ATP8B1: variants seen among roughly 807,000 people sequenced by gnomAD.
The protein encoded by ATP8B1 is phospholipid-transporting ATPase IC.
ATP8B1 carries 80 observed loss-of-function variants against 149.9 expected under a neutral mutation model. That is an observed-to-expected ratio of 0.53 (90% CI 0.45 to 0.64). The LOEUF is 0.64. Ranked by LOEUF, ATP8B1 falls within the 30% of genes least tolerant of loss-of-function variation. The probability of loss-of-function intolerance (pLI) is 0.00; values close to 1 mark genes in which losing one functional copy is unlikely to be tolerated. For missense variants in ATP8B1, 1,247 were observed against 1,552.6 expected, an observed-to-expected ratio of 0.80 and a Z score of 3.31; for synonymous variants, 536 against 562.8, an observed-to-expected ratio of 0.95 and a Z score of 0.67.
chr18:57,785,629 C>G (rs543913657), intron 1 of ATP8B1, among the ~76,000 whole-genome samples: 1 of 152,306 alleles, frequency 6.6e-6, no homozygotes, highest in Admixed American at 6.5e-5. Flanking sequence ...CCTCAGCCTC[C>G]TGAGTAGCTG....
At position 57,646,697 on chromosome 18, in the gene ATP8B1, T is replaced by C. The variant is rs1245998439; in HGVS notation, c.*1791A>G. The stretch of plus-strand genomic sequence containing the variant: ...GTAAAAAAAGAAAAAACTTACAATT[T>C]TTTATTTACAAGTTAAGGAAAAGTT... On this transcript the variant is annotated 3_prime_UTR_variant, in exon 28 of 28. Coordinates refer to ENST00000648908, the MANE Select transcript of ATP8B1 (RefSeq NM_001374385.1). 1.3e-5 allele frequency: 2 copies of C among 152,650 alleles called. No homozygotes were observed. Among genetic ancestry groups the C allele is most frequent in the African/African-American group, 4.8e-5 (2 of 41,458 alleles). 9.5% of individuals were successfully genotyped at this position (152,650 alleles called of 1,614,324 possible).
chr18:57,745,424 A>T (rs994442550), intron 1 of ATP8B1, among the ~76,000 whole-genome samples: 1 of 151,994 alleles, frequency 6.6e-6, no homozygotes. Context: ...GGCATGCACC[A>T]CCATGCTCGA....
intron 18 of ATP8B1, 69 bp downstream of exon 18, chr18:57,669,249 A>G: frequency 6.9e-7 from 1 of 1,457,822 alleles, no homozygotes; most frequent in East Asian, 2.3e-5. Context: ...CAAATATTCA[A>G]TAAAACTTAA....
At position 57,659,580 on chromosome 18, in the gene ATP8B1, C is replaced by T. The variant is rs113861579; in HGVS notation, c.2707+1594G>A. ...GTACGTAATGGAAAATAAACTAGAG[C>T]TGGCTGGCTATGGAGGAAAGAGATA... On this transcript the variant is annotated intron_variant, in intron 22 of 27. Transcript: ENST00000648908. 2.9e-3 allele frequency among the ~76,000 whole-genome samples: 445 copies of T among 150,968 alleles called. 3 individuals are homozygous for T. The highest frequency in any genetic ancestry group is 0.01 in the African/African-American group (416 of 41,032).
At chr18:57,738,654 ATAAAG>A (rs1462082310) in intron 1 of ATP8B1, among the ~76,000 whole-genome samples, 1 of 108,098 alleles carries the variant, frequency 9.3e-6, no homozygotes, top group Admixed American at 9.4e-5. Context: ...ATAAAATAAA[ATAAAG>A]CCATAAAACA....
chr18:57,791,433 C>T, intron 1 of ATP8B1, among the ~76,000 whole-genome samples: 1 of 142,196 alleles, frequency 7.0e-6, no homozygotes, highest in Non-Finnish European at 1.5e-5. Flanking sequence ...TCACTGTAAA[C>T]TCCGCCTCCT....
At chr18:57,714,748 C>T (rs1481524605) in intron 2 of ATP8B1, among the ~76,000 whole-genome samples, 2 of 152,158 alleles carry the variant, frequency 1.3e-5, no homozygotes, top group Non-Finnish European at 2.9e-5. Context: ...GCTTGGGATG[C>T]CCCCTAATGC....
chr18:57,728,847 G>A (rs1365509512), intron 2 of ATP8B1, among the ~76,000 whole-genome samples: 3 of 151,608 alleles, frequency 2.0e-5, no homozygotes, highest in South Asian at 2.1e-4. Context: ...AGCCTCCCGA[G>A]TAGCTGGGAT....
chr18:57,726,512 C>G (rs1317156371), intron 2 of ATP8B1, among the ~76,000 whole-genome samples: 1 of 152,178 alleles, frequency 6.6e-6, no homozygotes, highest in Admixed American at 6.5e-5. Context: ...GGGGCTGGGT[C>G]CAGGCACCTA....
chr18:57,671,387 A>G (rs1224754577), intron 17 of ATP8B1, 81 bp downstream of exon 17: 1 of 1,232,180 alleles, frequency 8.1e-7, no homozygotes, highest in Non-Finnish European at 1.2e-6. Flanking sequence ...CAGTTAACAT[A>G]CAGCTTTCAT....
intron 1 of ATP8B1, among the ~76,000 whole-genome samples, chr18:57,748,843 A>G (rs2079989999): frequency 6.6e-6 from 1 of 152,236 alleles, no homozygotes; most frequent in Admixed American, 6.5e-5. Context: ...CCCAGGTTTA[A>G]CAGTTATTTG....
At chr18:57,674,608 G>A (rs889949695) in intron 16 of ATP8B1, among the ~76,000 whole-genome samples, 23 of 151,686 alleles carry the variant, frequency 1.5e-4, no homozygotes, top group African/African-American at 5.3e-4. Flanking sequence ...GGATGGTCTC[G>A]ATCTCCTGAC....
chr18:57,652,450 T>A (rs764440498), intron 25 of ATP8B1, 34 bp downstream of exon 25: 1 of 1,613,820 alleles, frequency 6.2e-7, no homozygotes, highest in Non-Finnish European at 8.5e-7. Context: ...TAGGTACCAA[T>A]AGACACTGAA....
chr18:57,770,903 G>T (rs72627262), intron 1 of ATP8B1, among the ~76,000 whole-genome samples: 16 of 152,144 alleles, frequency 1.1e-4, no homozygotes, highest in African/African-American at 3.9e-4. Flanking sequence ...TCGCTCTGTC[G>T]CCCAGGCTGG....
At chr18:57,751,498 C>A (rs1349032903) in intron 1 of ATP8B1, among the ~76,000 whole-genome samples, 1 of 150,484 alleles carries the variant, frequency 6.6e-6, no homozygotes, top group East Asian at 2.0e-4. Context: ...GGACCAAACA[C>A]AAAATACAAT....
chr18:57,741,642 G>A (rs1369492564), intron 1 of ATP8B1, among the ~76,000 whole-genome samples: 2 of 152,158 alleles, frequency 1.3e-5, no homozygotes, highest in South Asian at 2.1e-4. Flanking sequence ...TAATAAATGC[G>A]TGTTGGTTTA....
At chr18:57,726,249 C>A (rs557134762) in intron 2 of ATP8B1, among the ~76,000 whole-genome samples, 8 of 137,288 alleles carry the variant, frequency 5.8e-5, no homozygotes, top group Middle Eastern at 3.8e-3. Flanking sequence ...ACAACAACAA[C>A]AAAAAAACCA....
chr18:57,667,509 C>A (rs1555689470), intron 19 of ATP8B1: 5 of 279,848 alleles, frequency 1.8e-5, no homozygotes, highest in Non-Finnish European at 3.5e-5. Context: ...ATGAACATAA[C>A]CAGATTCACA....
At chr18:57,801,635 T>G (rs2080575698) in intron 1 of ATP8B1, among the ~76,000 whole-genome samples, 2 of 147,760 alleles carry the variant, frequency 1.4e-5, no homozygotes, top group Non-Finnish European at 1.5e-5. Context: ...TCACGCGTGG[T>G]TTTTTTTAGC....
Sources: allele counts gnomAD v4.1 joint callset (sites outside exome capture counted in the v4.1 genomes callset), GRCh38; gene constraint gnomAD v4.1.1; transcripts MANE v1.5; gene names NCBI Gene and HGNC (gene_info 2026-07-23, HGNC 2026-07-21).